TRAPPC14: variants seen among roughly 807,000 people sequenced by gnomAD.
The protein encoded by TRAPPC14 is trafficking protein particle complex subunit 14, also known as microtubule associated protein 11.
A neutral mutation model predicts 56.6 loss-of-function variants in TRAPPC14; 24 were observed. The observed-to-expected ratio is 0.42, with a 90% CI of 0.31 to 0.60. TRAPPC14 has a LOEUF of 0.60. TRAPPC14 is among the 20% of genes least tolerant of loss of function. TRAPPC14 has a pLI of 0.14. For missense variants in TRAPPC14, 615 were observed against 790.3 expected, an observed-to-expected ratio of 0.78 and a Z score of 2.66; for synonymous variants, 377 against 347.0, an observed-to-expected ratio of 1.09 and a Z score of -0.96.
chr7:100,156,827 C>T lies in TRAPPC14; in HGVS notation c.993+18G>A, dbSNP rs1336299361. The T allele has an allele frequency of 1.2e-6, 2 of 1,613,610 alleles. No homozygotes were observed. Among genetic ancestry groups the T allele is most frequent in the Admixed American group, 3.3e-5 (2 of 59,984 alleles). On this transcript the variant is annotated intron_variant, in intron 6 of 10. Transcript: ENST00000316937. ...GCCTTATCACTTTTCTTTGAACACA[C>T]CAGCCCCTTATGCTCACCTCCTTGG...
At position 100,155,085 on chromosome 7, in the gene TRAPPC14, C is replaced by A. The variant is rs1472072037; in HGVS notation, c.1669G>T (p.Asp557Tyr). ...TTGTCCAGAGACAACACAGCCTTGT[C>A]CGGGGGCAGGTAGAGGGGGCGGCCA... ...PVGRPLYLPP[D>Y]KAVLSLDKIA... The change falls in exon 11 of 11, where the codon GAC becomes TAC. Residue 557 changes from aspartate (D) to tyrosine (Y), a missense_variant. Asp to Tyr is a radical substitution (Grantham distance 160). Transcript: ENST00000316937. 6.2e-7 allele frequency: 1 copy of A among 1,613,986 alleles called. No homozygotes were observed. The highest frequency in any genetic ancestry group is 1.1e-5 in the South Asian group (1 of 91,084).
chr7:100,155,231 C>G (rs373305418), intron 10 of TRAPPC14, 31 bp downstream of exon 10: 2 of 1,591,776 alleles, frequency 1.3e-6, no homozygotes, highest in South Asian at 1.1e-5. Flanking sequence ...ATCCTCTACC[C>G]GGTCCCATGC....
rs978949081 is a variant in TRAPPC14, at chr7:100,156,791, TC to T, written c.993+53del. The T allele has an allele frequency of 5.0e-6, 8 of 1,605,206 alleles. No individual in the cohort carries two copies. The Admixed American group carries it at 1.3e-4, about 27-fold the overall frequency. On this transcript the variant is annotated intron_variant, in intron 6 of 10. Coordinates refer to ENST00000316937, the MANE Select transcript of TRAPPC14 (RefSeq NM_018275.5). ...CATCTTGAGTCAGCTGCCTGGTCTT[TC>T]CCTCCCACTGCCTTATCACTTTTCT...
Position 100,157,859 on chromosome 7 carries a change from C to A in TRAPPC14, c.491G>T (p.Gly164Val). The A allele has an allele frequency of 6.3e-7, 1 of 1,590,914 alleles. No homozygotes were observed. Among genetic ancestry groups the A allele is most frequent in the Non-Finnish European group, 8.6e-7 (1 of 1,166,298 alleles). Residue 164 changes from glycine (G) to valine (V), a missense_variant, in exon 2 of 11, where the codon GGG (glycine) becomes GTG (valine). Gly to Val is a moderately radical substitution (Grantham distance 109, BLOSUM62 -3). Transcript: ENST00000316937. Reference protein sequence around the residue: ...LTVSLDRLPPGTPKAKIVVTV... With the variant: ...LTVSLDRLPPVTPKAKIVVTV... ...TCATCTTACCTTGGCCTTAGGTGTC[C>A]CTGGGGGCAGTCTATCCAGTGAAAC...
In TRAPPC14 at chr7:100,155,413, C is replaced by T. The variant is rs754643547; in HGVS notation, c.1438G>A (p.Val480Met). Reference sequence around the variant, plus strand: ...CGGGCCTCGGGTGGAGGGTGGGACACGCTGGCGGTGAACTGCAGCTTCAGT... The same window carrying T: ...CGGGCCTCGGGTGGAGGGTGGGACATGCTGGCGGTGAACTGCAGCTTCAGT... ...MKLKLQFTAS[V>M]SHPPPEARPL... Residue 480 changes from valine to methionine, a missense_variant, in exon 10 of 11, where the codon GTG becomes ATG. Transcript: ENST00000316937. 1.5e-5 allele frequency: 23 copies of T among 1,538,612 alleles called. No homozygotes were observed. The highest frequency in any genetic ancestry group is 2.4e-5 in the South Asian group (2 of 82,726).
Position 100,158,679 on chromosome 7 carries a change from CG to C in TRAPPC14, c.-181del. The stretch of plus-strand genomic sequence containing the variant: ...AACCCGAACCGAGACCCGGCAGCGC[CG>C]GAACCGGGGTACTGAGCCGAATGAC... On this transcript the variant is annotated 5_prime_UTR_variant, in exon 1 of 11. Transcript: ENST00000316937. 1.9e-6 allele frequency: 1 copy of C among 514,892 alleles called. No homozygotes were observed. The highest frequency in any genetic ancestry group is 3.0e-6 in the Non-Finnish European group (1 of 330,878). The allele number at this position is 514,892 out of a possible 1,614,324, so 31.9% of individuals were successfully genotyped here.
rs1054400440 is a variant in TRAPPC14 at position 100,158,702 on chromosome 7, T to A, written c.-203A>T. On this transcript the variant is annotated 5_prime_UTR_variant, in exon 1 of 11. Transcript: ENST00000316937. ...GCCGGAACCGGGGTACTGAGCCGAA[T>A]GACTGGAGAGAAACAGGAAGCGGAA... 1.2e-5 allele frequency: 5 copies of A among 434,264 alleles called. No homozygotes were observed. Among genetic ancestry groups the A allele is most frequent in the African/African-American group, 2.0e-5 (1 of 48,846 alleles). 26.9% of individuals were successfully genotyped at this position (434,264 alleles called of 1,614,324 possible).
At chr7:100,155,873 C>A in intron 8 of TRAPPC14, 48 bp from the exon 9 acceptor site, 2 of 1,612,512 alleles carry the variant, frequency 1.2e-6, no homozygotes, top group Non-Finnish European at 1.7e-6. Flanking sequence ...TTCCTCATTC[C>A]CACAGGGCCT....
Position 100,158,171 on chromosome 7 carries a change from G to A in TRAPPC14, c.329C>T (p.Pro110Leu), listed in dbSNP as rs1179166679. 35 of 1,448,828 alleles carry A rather than the reference G, an allele frequency of 2.4e-5. No homozygotes were observed. The highest frequency in any genetic ancestry group is 3.0e-5 in the Non-Finnish European group (33 of 1,109,352). 89.7% of individuals were successfully genotyped at this position (1,448,828 alleles called of 1,614,324 possible). Residue 110 changes from proline to leucine, a missense_variant, in exon 1 of 11, where the codon CCT becomes CTT. Physicochemically the swap from Pro to Leu is moderately conservative, Grantham distance 98. Coordinates refer to ENST00000316937, the MANE Select transcript of TRAPPC14 (RefSeq NM_018275.5). ...QDSEPPGGGD[P>L]GGGGLFRGCS... ...GCCTCGGAACAAACCCCCACCCCCAGGATCCCCTCCCCCTGGGGGCTCCGA... is the reference window on the plus strand; with the variant it reads ...GCCTCGGAACAAACCCCCACCCCCAAGATCCCCTCCCCCTGGGGGCTCCGA...
chr7:100,156,295 A>G, intron 8 of TRAPPC14, 91 bp downstream of exon 8: 1 of 1,397,368 alleles, frequency 7.2e-7, no homozygotes, highest in Non-Finnish European at 9.9e-7. Flanking sequence ...GCTGGCACCA[A>G]ATTTGGCTGT....
chr7:100,156,653 T>C lies in TRAPPC14; in HGVS notation c.1057A>G (p.Ser353Gly). 6.2e-7 allele frequency: 1 copy of C among 1,602,420 alleles called. No homozygotes were observed. Residue 353 changes from serine to glycine, a missense_variant, in exon 7 of 11, where the codon AGC becomes GGC. Transcript: ENST00000316937. ...WSTPKLPFTQ[S>G]IYTHYRLPSV... ...ACTCACCGGTAGTGGGTGTAGATGC[T>C]CTGAGTGAAGGGCAGCTTTGGGGTA...
At position 100,158,680 on chromosome 7, in the gene TRAPPC14, G is replaced by A; in HGVS notation, c.-181C>T. ...ACCCGAACCGAGACCCGGCAGCGCC[G>A]GAACCGGGGTACTGAGCCGAATGAC... On this transcript the variant is annotated 5_prime_UTR_variant, in exon 1 of 11. Transcript: ENST00000316937. 2.0e-6 allele frequency: 1 copy of A among 508,890 alleles called. No individual in the cohort carries two copies. The highest frequency in any genetic ancestry group is 3.1e-6 in the Non-Finnish European group (1 of 325,194). 31.5% of individuals were successfully genotyped at this position (508,890 alleles called of 1,614,324 possible).
At position 100,155,021 on chromosome 7, in the gene TRAPPC14, G is replaced by C. The variant is rs758712412; in HGVS notation, c.1733C>G (p.Pro578Arg). Residue 578 changes from proline (P) to arginine (R), a missense_variant, in exon 11 of 11, where the codon CCC (proline) becomes CGC (arginine). Coordinates refer to ENST00000316937, the MANE Select transcript of TRAPPC14 (RefSeq NM_018275.5). ...AGAGCTGGCACGGTGCTACTTGACG[G>C]GTTCCACCACCAGGACCTTGCACTC... ...KRECKVLVVE[P>R]VK 6.2e-7 allele frequency: 1 copy of C among 1,614,104 alleles called. No homozygotes were observed.
rs934051599 is a variant in TRAPPC14, at chr7:100,157,470, G to A, written c.638-11C>T. On this transcript the variant is annotated splice_polypyrimidine_tract_variant and intron_variant, in intron 3 of 10. Coordinates refer to ENST00000316937, the MANE Select transcript of TRAPPC14 (RefSeq NM_018275.5). ...TCAGCAGCGTGCTCACTGCGGGAGG[G>A]GGTGGGGGCAAGAAGTGATGGTCTG... 1.2e-6 allele frequency: 2 copies of A among 1,611,114 alleles called. No homozygotes were observed. Among genetic ancestry groups the A allele is most frequent in the Non-Finnish European group, 1.7e-6 (2 of 1,178,646 alleles).
At position 100,155,047 on chromosome 7, in the gene TRAPPC14, G is replaced by A. The variant is rs748740261; in HGVS notation, c.1707C>T (p.Arg569=). The part of the protein sequence containing the change: ...AVLSLDKIAK[R]ECKVLVVEPV... The stretch of plus-strand genomic sequence containing the variant: ...GTTCCACCACCAGGACCTTGCACTC[G>A]CGCTTGGCAATCTTGTCCAGAGACA... The change falls in exon 11 of 11, where the codon CGC becomes CGT. Residue 569 remains arginine, a synonymous_variant. Transcript: ENST00000316937. 10 of 1,613,994 alleles carry A rather than the reference G, an allele frequency of 6.2e-6. No individual in the cohort carries two copies. In the East Asian group the frequency reaches 1.3e-4, roughly 22 times the overall value.
chr7:100,156,520 C>A lies in TRAPPC14; in HGVS notation c.1106G>T (p.Cys369Phe). 1 of 1,614,172 alleles carries A rather than the reference C, an allele frequency of 6.2e-7. No homozygotes were observed. The highest frequency in any genetic ancestry group is 8.5e-7 in the Non-Finnish European group (1 of 1,180,024). The stretch of plus-strand genomic sequence containing the variant: ...CTTACAAGAAGCGGTCATCACAAAA[C>A]ACGGGCGGTCCAAGCGGACACTGGG... Reference protein sequence around the residue: ...RLPSVRLDRPCFVMTASCKSP... With the variant: ...RLPSVRLDRPFFVMTASCKSP... The change falls in exon 8 of 11, where the codon TGT (cysteine) becomes TTT (phenylalanine). Residue 369 changes from cysteine to phenylalanine, a missense_variant. Coordinates refer to ENST00000316937, the MANE Select transcript of TRAPPC14 (RefSeq NM_018275.5).
Position 100,156,997 on chromosome 7 carries a change from C to T in TRAPPC14, c.846-5G>A. On this transcript the variant is annotated splice_polypyrimidine_tract_variant and splice_region_variant and intron_variant, in intron 5 of 10. Coordinates refer to ENST00000316937, the MANE Select transcript of TRAPPC14 (RefSeq NM_018275.5). The stretch of plus-strand genomic sequence containing the variant: ...GAGACTTCCCCAGACTGGTGACTAG[C>T]TCAGAAAAGAGGACAAGGCATGGTC... 1.2e-6 allele frequency: 2 copies of T among 1,614,016 alleles called. No homozygotes were observed. Among genetic ancestry groups the T allele is most frequent in the Non-Finnish European group, 1.7e-6 (2 of 1,179,978 alleles).
Position 100,158,268 on chromosome 7 carries a change from C to A in TRAPPC14, c.232G>T (p.Ala78Ser). 3.4e-6 allele frequency: 5 copies of A among 1,489,680 alleles called. No homozygotes were observed. Among genetic ancestry groups the A allele is most frequent in the Non-Finnish European group, 4.4e-6 (5 of 1,126,184 alleles). The allele number at this position is 1,489,680 out of a possible 1,614,324, so 92.3% of individuals were successfully genotyped here. ...SRGAWAELAT[A>S]LAALASVSAG... ...CTGACCGAGGCCAGGGCGGCCAGGG[C>A]GGTTGCCAGTTCTGCCCAGGCTCCT... is the stretch of plus-strand genomic sequence containing the variant. Residue 78 changes from alanine to serine, a missense_variant, in exon 1 of 11, where the codon GCC (alanine) becomes TCC (serine). Physicochemically the swap from Ala to Ser is moderately conservative, Grantham distance 99. Coordinates refer to ENST00000316937, the MANE Select transcript of TRAPPC14 (RefSeq NM_018275.5).
chr7:100,155,469 C>G lies in TRAPPC14; in HGVS notation c.1396-14G>C. 2 of 1,519,770 alleles carry G rather than the reference C, an allele frequency of 1.3e-6. No homozygotes were observed. Among genetic ancestry groups the G allele is most frequent in the South Asian group, 1.3e-5 (1 of 77,586 alleles). 94.1% of individuals were successfully genotyped at this position (1,519,770 alleles called of 1,614,324 possible). On this transcript the variant is annotated splice_polypyrimidine_tract_variant and intron_variant, in intron 9 of 10. Transcript: ENST00000316937. ...GTGCTGGCTTAGCTGGGGGGAGACA[C>G]AGGTCAGCATGCCAGCTCGGCTTCC...
Sources: gnomAD v4.1 joint callset for allele counts on GRCh38, gnomAD v4.1.1 for gene constraint, MANE v1.5 for transcripts, NCBI Gene and HGNC (gene_info 2026-07-23, HGNC 2026-07-21) for gene names.